The following DYNLT5 variants were observed in gnomAD, a reference collection of about 807,000 sequenced individuals.
DYNLT5 encodes the protein dynein light chain Tctex-type family member 5.
DYNLT5 carries 25 observed loss-of-function variants against 19.3 expected under a neutral mutation model. That is an observed-to-expected ratio of 1.30 (90% confidence interval 0.95 to 1.81). DYNLT5 has a LOEUF of 1.81. Ranked by LOEUF, DYNLT5 falls within the 40% of genes most tolerant of loss-of-function variation. The pLI, the probability that DYNLT5 is intolerant of heterozygous loss-of-function variation, is 0.00. For missense variants in DYNLT5, 232 were observed against 217.9 expected, an observed-to-expected ratio of 1.06 and a Z score of -0.41; for synonymous variants, 82 against 68.9, an observed-to-expected ratio of 1.19 and a Z score of -0.94.
chr1:66,769,545 C>G lies in DYNLT5; in HGVS notation c.120-842C>G, dbSNP rs12727268. 2.0e-5 allele frequency among the ~76,000 whole-genome samples: 3 copies of G among 146,784 alleles called. No individual in the cohort carries two copies. In the East Asian group the frequency reaches 6.0e-4, roughly 29 times the overall value. ...AACACACACACACACAAACACACAC[C>G]CACACACACACACATGCTATTATAT... On this transcript the variant is annotated intron_variant, in intron 2 of 4. Transcript: ENST00000282670.
At chr1:66,758,453 G>A (rs189602833) in intron 2 of DYNLT5, among the ~76,000 whole-genome samples, 3 of 152,144 alleles carry the variant, frequency 2.0e-5, no homozygotes, top group African/African-American at 7.2e-5. Flanking sequence ...GACAAGGTTG[G>A]GGGCTGAACA....
intron 2 of DYNLT5, among the ~76,000 whole-genome samples, chr1:66,769,959 A>C (rs192267781): frequency 6.6e-6 from 1 of 152,270 alleles, no homozygotes; most frequent in East Asian, 1.9e-4. Flanking sequence ...GTGTATATAG[A>C]GTTGTCTTCC....
chr1:66,755,494 T>C (rs907123478), intron 2 of DYNLT5, among the ~76,000 whole-genome samples: 6 of 152,222 alleles, frequency 3.9e-5, no homozygotes, highest in African/African-American at 1.4e-4. Context: ...AGTCAATTAA[T>C]AATAGACTTT....
In DYNLT5 at chr1:66,776,356, G is replaced by T; in HGVS notation, c.289G>T (p.Glu97Ter). 1 of 1,613,296 alleles carries T rather than the reference G, an allele frequency of 6.2e-7. No homozygotes were observed. Among genetic ancestry groups the T allele is most frequent in the Non-Finnish European group, 8.5e-7 (1 of 1,179,596 alleles). Residue 97 changes from glutamate (E) to a stop codon, truncating the protein, a stop_gained, in exon 4 of 5, where the codon GAA becomes TAA. Coordinates refer to ENST00000282670, the MANE Select transcript of DYNLT5 (RefSeq NM_152665.3). LOFTEE classifies it high-confidence loss of function. ...AGTAACCAGCTATCTACAAGTAGAA[G>T]AATATGAACCAGAGCTCTGTAGACA... ...DVVTSYLQVEEYEPELCRQMT... is the reference protein window; with the variant it reads ...DVVTSYLQVE
At position 66,757,162 on chromosome 1, in the gene DYNLT5, G is replaced by A. The variant is rs879287110; in HGVS notation, c.119+2385G>A. On this transcript the variant is annotated intron_variant, in intron 2 of 4. Transcript: ENST00000282670. ...TTAGCGGTAACCACACTTATAAGGA[G>A]GACATGAAGAGTAAAGGTAGACCTC... Among the ~76,000 whole-genome samples, 18 of 152,256 alleles carry A rather than the reference G, an allele frequency of 1.2e-4. No individual in the cohort carries two copies. The East Asian group carries it at 2.7e-3, about 23-fold the overall frequency.
chr1:66,759,523 C>A (rs561933845), intron 2 of DYNLT5, among the ~76,000 whole-genome samples: 1 of 152,112 alleles, frequency 6.6e-6, no homozygotes, highest in South Asian at 2.1e-4. Flanking sequence ...TTTTTTTAAA[C>A]CCTGTACATT....
intron 4 of DYNLT5, 40 bp downstream of exon 4, chr1:66,776,443 A>T: frequency 6.4e-7 from 1 of 1,559,910 alleles, no homozygotes; most frequent in Non-Finnish European, 8.7e-7. Context: ...CAATAGCTAG[A>T]ATATTTGCTA....
At chr1:66,754,322 G>T (rs1181389482) in intron 1 of DYNLT5, among the ~76,000 whole-genome samples, 2 of 152,172 alleles carry the variant, frequency 1.3e-5, no homozygotes, top group Non-Finnish European at 2.9e-5. Flanking sequence ...ACAAATATTG[G>T]TTTCTGATGT....
chr1:66,776,577 GTATA>G (rs35737694), intron 4 of DYNLT5, among the ~76,000 whole-genome samples, 174 bp downstream of exon 4: 1 of 151,754 alleles, frequency 6.6e-6, no homozygotes, highest in Non-Finnish European at 1.5e-5. Flanking sequence ...GTGTGTGTGT[GTATA>G]TACATAAAGC....
At chr1:66,759,022 A>G (rs1341072396) in intron 2 of DYNLT5, among the ~76,000 whole-genome samples, 1 of 152,204 alleles carries the variant, frequency 6.6e-6, no homozygotes, top group Non-Finnish European at 1.5e-5. Context: ...CCAAAAAGAG[A>G]AAATAGTTTG....
chr1:66,772,823 A>AT (rs1055168683), intron 3 of DYNLT5, among the ~76,000 whole-genome samples: 1 of 152,204 alleles, frequency 6.6e-6, no homozygotes, highest in Admixed American at 6.5e-5. Context: ...CCATTTATAT[A>AT]TTTCTCATTA....
At chr1:66,771,630 T>G (rs894175473) in intron 3 of DYNLT5, among the ~76,000 whole-genome samples, 1 of 152,240 alleles carries the variant, frequency 6.6e-6, no homozygotes, top group Non-Finnish European at 1.5e-5. Context: ...AGAATCCTGG[T>G]GTCATCATTT....
chr1:66,770,464 A>G lies in DYNLT5; in HGVS notation c.197A>G (p.Asn66Ser). 1 of 1,612,880 alleles carries G rather than the reference A, an allele frequency of 6.2e-7. No individual in the cohort carries two copies. Among genetic ancestry groups the G allele is most frequent in the African/African-American group, 1.3e-5 (1 of 74,998 alleles). ...DISRLTVQME[N>S]TYQLGPPKHF... ...TCTCGCCTTACAGTTCAGATGGAAA[A>G]CACCTATCAGTTGGGTGTGTTCTTT... is the stretch of plus-strand genomic sequence containing the variant. Residue 66 changes from asparagine (N) to serine (S), a missense_variant, in exon 3 of 5, where the codon AAC becomes AGC. By Grantham distance (46) the Asn-to-Ser change is conservative. Transcript: ENST00000282670.
At chr1:66,777,218 G>A (rs1645241478) in intron 4 of DYNLT5, 33 bp from the exon 5 acceptor site, 1 of 1,575,060 alleles carries the variant, frequency 6.3e-7, no homozygotes, top group Non-Finnish European at 8.7e-7. Flanking sequence ...CAATGTAGCT[G>A]AATGAAGACC....
intron 1 of DYNLT5, among the ~76,000 whole-genome samples, chr1:66,753,091 G>A (rs1343419104): frequency 6.6e-6 from 1 of 152,004 alleles, no homozygotes; most frequent in Non-Finnish European, 1.5e-5. Flanking sequence ...ATACACACAG[G>A]CACCTGCACA....
At chr1:66,756,891 A>G (rs1057046805) in intron 2 of DYNLT5, among the ~76,000 whole-genome samples, 1 of 151,672 alleles carries the variant, frequency 6.6e-6, no homozygotes, top group Non-Finnish European at 1.5e-5. Context: ...GGGTACCCCG[A>G]CTCCTTGCCT....
intron 2 of DYNLT5, among the ~76,000 whole-genome samples, chr1:66,755,370 T>A (rs2094634378): frequency 6.6e-6 from 1 of 152,198 alleles, no homozygotes; most frequent in Non-Finnish European, 1.5e-5. Context: ...ATTTTTTGGT[T>A]CTTGCTACAT....
chr1:66,763,522 G>A (rs1193300215), intron 2 of DYNLT5, among the ~76,000 whole-genome samples: 1 of 152,198 alleles, frequency 6.6e-6, no homozygotes, highest in Non-Finnish European at 1.5e-5. Flanking sequence ...GTTGCTTATT[G>A]TAGCCCCTTC....
Position 66,778,717 on chromosome 1 carries a change from T to TA in DYNLT5, c.*1269dup, listed in dbSNP as rs1432359315. 1.3e-5 allele frequency: 2 copies of TA among 152,512 alleles called. No individual in the cohort carries two copies. Among genetic ancestry groups the TA allele is most frequent in the African/African-American group, 2.4e-5 (1 of 41,460 alleles). The allele number at this position is 152,512 out of a possible 1,614,324, so 9.4% of individuals were successfully genotyped here. On this transcript the variant is annotated 3_prime_UTR_variant, in exon 5 of 5. Coordinates refer to ENST00000282670, the MANE Select transcript of DYNLT5 (RefSeq NM_152665.3). ...ACTTTTCCCTAAAAATGACATGTAGTAAAAAATGGATACTTTTAAAATCCC... is the reference window on the plus strand; with the variant it reads ...ACTTTTCCCTAAAAATGACATGTAGTAAAAAAATGGATACTTTTAAAATCCC...
Sources: gnomAD v4.1 joint callset for allele counts (sites outside exome capture counted in the v4.1 genomes callset) on GRCh38, gnomAD v4.1.1 for gene constraint, MANE v1.5 for transcripts, NCBI Gene and HGNC (gene_info 2026-07-23, HGNC 2026-07-21) for gene names.